XPC: variants seen among roughly 807,000 people sequenced by gnomAD.
The protein encoded by XPC is XPC complex subunit, DNA damage recognition and repair factor.
XPC carries 76 observed loss-of-function variants against 95.8 expected under a neutral mutation model. That is an observed-to-expected ratio of 0.79 (90% CI 0.66 to 0.96). The LOEUF (loss-of-function observed/expected upper bound fraction) is 0.96, where lower values mean the gene tolerates loss of function less well. XPC is among the 40% of genes least tolerant of loss of function. The pLI is 0.00. For missense variants in XPC, 1,146 were observed against 1,179.8 expected, an observed-to-expected ratio of 0.97 and a Z score of 0.42; for synonymous variants, 442 against 442.1, an observed-to-expected ratio of 1.00 and a Z score of 0.00.
At chr3:14,150,959 G>A (rs1353403035) in intron 11 of XPC, among the ~76,000 whole-genome samples, 1 of 152,156 alleles carries the variant, frequency 6.6e-6, no homozygotes, top group Non-Finnish European at 1.5e-5. Context: ...TGGCCAAGGT[G>A]GGACAAGGAT....
intron 1 of XPC, among the ~76,000 whole-genome samples, chr3:14,176,229 C>G (rs187221039): frequency 6.6e-6 from 1 of 152,292 alleles, no homozygotes; most frequent in Admixed American, 6.5e-5. Context: ...GGTAGCATTT[C>G]CATCAGATTA....
At chr3:14,152,131 A>G (rs1487156666) in intron 11 of XPC, 2 of 529,016 alleles carry the variant, frequency 3.8e-6, no homozygotes, top group Non-Finnish European at 6.6e-6. Context: ...TGGAAGATCC[A>G]TTTCTTACAA....
At position 14,159,740 on chromosome 3, in the gene XPC, C is replaced by T; in HGVS notation, c.990+1G>A. The T allele has an allele frequency of 6.4e-7, 1 of 1,559,964 alleles. No homozygotes were observed. Among genetic ancestry groups the T allele is most frequent in the Admixed American group, 1.9e-5 (1 of 52,112 alleles). ...TTCTCTGGCAGCCCTGCGCACCTCA[C>T]CTTTGCTGTTGCTGACTTCAGAGGA... is the stretch of plus-strand genomic sequence containing the variant. On this transcript the variant is annotated splice_donor_variant, in intron 8 of 15. Transcript: ENST00000285021. LOFTEE classifies it high-confidence loss of function.
At position 14,178,583 on chromosome 3, in the gene XPC, C is replaced by A. The variant is rs781224713; in HGVS notation, c.-15G>T. On this transcript the variant is annotated 5_prime_UTR_variant, in exon 1 of 16. Coordinates refer to ENST00000285021, the MANE Select transcript of XPC (RefSeq NM_004628.5). ...TTCCGAGCCATGTTGCTTGTCTGGGCAAATTCCACTTCGCGAGTGACGCAC... is the reference window on the plus strand; with the variant it reads ...TTCCGAGCCATGTTGCTTGTCTGGGAAAATTCCACTTCGCGAGTGACGCAC... The A allele has an allele frequency of 2.5e-6, 4 of 1,612,472 alleles. No homozygotes were observed. Among genetic ancestry groups the A allele is most frequent in the Non-Finnish European group, 3.4e-6 (4 of 1,179,084 alleles).
chr3:14,155,343 A>G (rs1453963804), intron 10 of XPC, among the ~76,000 whole-genome samples: 1 of 152,128 alleles, frequency 6.6e-6, no homozygotes, highest in Non-Finnish European at 1.5e-5. Flanking sequence ...GGTCTTGTAC[A>G]TCCCATGTCT....
chr3:14,170,637 C>A, intron 2 of XPC, 87 bp from the exon 3 acceptor site: 1 of 977,830 alleles, frequency 1.0e-6, no homozygotes, highest in South Asian at 1.7e-5. Context: ...TAAAACCCCT[C>A]CTATTTATTG....
chr3:14,146,016 C>T lies in XPC; in HGVS notation c.2748G>A (p.Leu916=). 6.2e-7 allele frequency: 1 copy of T among 1,612,570 alleles called. No individual in the cohort carries two copies. Among genetic ancestry groups the T allele is most frequent in the Non-Finnish European group, 8.5e-7 (1 of 1,179,178 alleles). The stretch of plus-strand genomic sequence containing the variant: ...TTTTGGTCTTCTTGGGCCCACCCTT[C>T]AGCTTCTGCTTTTCTTCATCTTCTC... ...QNREDEEKQK[L]KGGPKKTKRE... The change falls in exon 16 of 16, where the codon CTG becomes CTA. Residue 916 remains leucine (L), a synonymous_variant. Transcript: ENST00000285021.
In XPC at chr3:14,145,147, T is replaced by G; in HGVS notation, c.*794A>C. On this transcript the variant is annotated 3_prime_UTR_variant, in exon 16 of 16. Transcript: ENST00000285021. ...CTGAAAGAAAATATAGAGCCAAATC[T>G]TTAGATAAATGCTTTATTATTTTCT... 2.0e-6 allele frequency: 1 copy of G among 500,088 alleles called. No individual in the cohort carries two copies. The highest frequency in any genetic ancestry group is 3.5e-6 in the Non-Finnish European group (1 of 283,394). 31.0% of individuals were successfully genotyped at this position (500,088 alleles called of 1,614,324 possible). A position where few individuals can be genotyped will look rare whatever the true frequency, so the allele number is the denominator to read the frequency against.
At position 14,172,573 on chromosome 3, in the gene XPC, C is replaced by T. The variant is rs146246724; in HGVS notation, c.299+294G>A. On this transcript the variant is annotated intron_variant, in intron 2 of 15. Coordinates refer to ENST00000285021, the MANE Select transcript of XPC (RefSeq NM_004628.5). The stretch of plus-strand genomic sequence containing the variant: ...GAATGGCAGGTAAATATTTTGTATA[C>T]ATCTAATATTTTTGTGTAGTAGAAA... Among the ~76,000 whole-genome samples the T allele has an allele frequency of 5.9e-5, 9 of 152,236 alleles. No individual in the cohort carries two copies. In the East Asian group the frequency reaches 1.7e-3, roughly 29 times the overall value.
In XPC at chr3:14,149,036, T is replaced by TGGTAC. The variant is rs1209859446; in HGVS notation, c.2116-93_2116-89dup. On this transcript the variant is annotated intron_variant, in intron 11 of 15. Coordinates refer to ENST00000285021, the MANE Select transcript of XPC (RefSeq NM_004628.5). Reference sequence around the variant, plus strand: ...GGCACCATGCTCAGTGCCGCATGCCTGGTACCTGGTGAACCCTCAGAACAC... The same window carrying TGGTAC: ...GGCACCATGCTCAGTGCCGCATGCCTGGTACGGTACCTGGTGAACCCTCAGAACAC... The TGGTAC allele has an allele frequency of 1.9e-6, 3 of 1,562,364 alleles. No homozygotes were observed. In the Admixed American group the frequency reaches 5.2e-5, roughly 27 times the overall value.
In XPC at chr3:14,158,843, G is replaced by C; in HGVS notation, c.1040C>G (p.Ser347Ter). The change falls in exon 9 of 16, where the codon TCA becomes TGA. Residue 347 changes from serine (S) to a stop codon, truncating the protein, a stop_gained. Transcript: ENST00000285021. LOFTEE classifies it high-confidence loss of function. The surrounding 1 kb of genome is among the most constrained non-coding windows in gnomAD (Gnocchi z 5.2). ...TTCTAGAACTTGGCTGGAAGTTTCT[G>C]AGGAGCCTCCTGGATCCGCAGTCAA... is the stretch of plus-strand genomic sequence containing the variant. The part of the protein sequence containing the change: ...ERLTADPGGS[S>*]ETSSQVLENH... 6.2e-7 allele frequency: 1 copy of C among 1,613,952 alleles called. No individual in the cohort carries two copies. Among genetic ancestry groups the C allele is most frequent in the South Asian group, 1.1e-5 (1 of 91,084 alleles).
rs549085752 is a variant in XPC, at chr3:14,173,695, A to G, written c.104-633T>C. ...TGTTAAAGGGAAATAAAAAATGCATAAGCTGCTGGTTTTAGTCAAATTGGG... is the reference window on the plus strand; with the variant it reads ...TGTTAAAGGGAAATAAAAAATGCATGAGCTGCTGGTTTTAGTCAAATTGGG... On this transcript the variant is annotated intron_variant, in intron 1 of 15. Transcript: ENST00000285021. 5.3e-5 allele frequency among the ~76,000 whole-genome samples: 8 copies of G among 152,308 alleles called. No individual in the cohort carries two copies. In the South Asian group the frequency reaches 8.3e-4, roughly 16 times the overall value.
At position 14,164,933 on chromosome 3, in the gene XPC, C is replaced by G; in HGVS notation, c.780G>C (p.Trp260Cys). 1 of 1,606,864 alleles carries G rather than the reference C, an allele frequency of 6.2e-7. No individual in the cohort carries two copies. Among genetic ancestry groups the G allele is most frequent in the Non-Finnish European group, 8.5e-7 (1 of 1,176,764 alleles). The change falls in exon 7 of 16, where the codon TGG becomes TGC. Residue 260 changes from tryptophan (W) to cysteine (C), a missense_variant and splice_region_variant. Transcript: ENST00000285021. ...CATTAACTGTAAATGTTCCAATGAA[C>G]CTGGGGAGAAAGCAGGCATTCCTTG... Reference protein sequence around the residue: ...DTYYLSNLVKWFIGTFTVNAE... With the variant: ...DTYYLSNLVKCFIGTFTVNAE...
chr3:14,145,878 C>T lies in XPC; in HGVS notation c.*63G>A, dbSNP rs113152186. On this transcript the variant is annotated 3_prime_UTR_variant, in exon 16 of 16. Coordinates refer to ENST00000285021, the MANE Select transcript of XPC (RefSeq NM_004628.5). ...CACCAGGGGCTGGGCATGCCCAGGG[C>T]AGGTGTGGGGCCTGTAGTGGGGCAG... is the stretch of plus-strand genomic sequence containing the variant. 6.4e-7 allele frequency: 1 copy of T among 1,558,180 alleles called. No individual in the cohort carries two copies.
intron 1 of XPC, among the ~76,000 whole-genome samples, chr3:14,173,911 C>T (rs1036288278): frequency 3.3e-5 from 5 of 151,958 alleles, no homozygotes; most frequent in African/African-American, 1.2e-4. Flanking sequence ...AATACTCTAC[C>T]TTTTATTGAG....
intron 10 of XPC, among the ~76,000 whole-genome samples, chr3:14,155,305 CATTT>C (rs1457301227): frequency 2.0e-5 from 3 of 152,226 alleles, no homozygotes; most frequent in Non-Finnish European, 2.9e-5. Flanking sequence ...CCTGTTTTCT[CATTT>C]ATTAAGAACA....
intron 15 of XPC, 128 bp from the exon 16 acceptor site, chr3:14,146,287 G>C (rs1695433974): frequency 1.2e-6 from 1 of 854,440 alleles, no homozygotes; most frequent in Admixed American, 2.1e-5. Context: ...CAAGGGCATG[G>C]GACAGGGCAG....
At position 14,171,859 on chromosome 3, in the gene XPC, G is replaced by A. The variant is rs1303048322; in HGVS notation, c.299+1008C>T. 6.6e-5 allele frequency among the ~76,000 whole-genome samples: 10 copies of A among 152,164 alleles called. No individual in the cohort carries two copies. In the East Asian group the frequency reaches 1.7e-3, roughly 27 times the overall value. Reference sequence around the variant, plus strand: ...GGATGGGGACGGGACGGGGCGGGACGGGAAGGGAAGTCTAGAGAAAAGGAG... The same window carrying A: ...GGATGGGGACGGGACGGGGCGGGACAGGAAGGGAAGTCTAGAGAAAAGGAG... On this transcript the variant is annotated intron_variant, in intron 2 of 15. Transcript: ENST00000285021.
In XPC at chr3:14,158,601, C is replaced by A; in HGVS notation, c.1282G>T (p.Val428Leu). 1.2e-6 allele frequency: 2 copies of A among 1,613,794 alleles called. No individual in the cohort carries two copies. The highest frequency in any genetic ancestry group is 1.7e-6 in the Non-Finnish European group (2 of 1,179,888). The change falls in exon 9 of 16, where the codon GTG becomes TTG. Residue 428 changes from valine to leucine, a missense_variant. Physicochemically the swap from Val to Leu is conservative, Grantham distance 32 (BLOSUM62 1). Transcript: ENST00000285021. This position sits in a 1 kb window ranked among gnomAD's most constrained non-coding sequence, Gnocchi z 5.2. ...CTCCCACTCTCCTCTTTATAAGACA[C>A]CCTGGAGGCCACCCGCCGCTCCCGG... ...HGRERRVASRVSYKEESGSDE... is the reference protein window; with the variant it reads ...HGRERRVASRLSYKEESGSDE...
Sources: gnomAD v4.1 joint callset for allele counts (sites outside exome capture counted in the v4.1 genomes callset) on GRCh38, gnomAD v4.1.1 for gene constraint, Gnocchi (gnomAD v3.1) non-coding constraint, MANE v1.5 for transcripts, NCBI Gene and HGNC (gene_info 2026-07-23, HGNC 2026-07-21) for gene names.